POLR2F: variants seen among roughly 807,000 people sequenced by gnomAD.
The protein encoded by POLR2F is DNA-directed RNA polymerases I, II, and III subunit RPABC2.
In POLR2F, 12 loss-of-function variants were observed where a neutral mutation model predicts 22.7. That is an observed-to-expected ratio of 0.53 (90% CI 0.34 to 0.86). POLR2F has a LOEUF of 0.86. POLR2F is among the 40% of genes least tolerant of loss of function. The pLI, the probability that POLR2F is intolerant of heterozygous loss-of-function variation, is 0.02. For synonymous variants in POLR2F, 57 were observed against 66.0 expected, an observed-to-expected ratio of 0.86 and a Z score of 0.66; for missense variants, 126 against 171.5, an observed-to-expected ratio of 0.73 and a Z score of 1.48.
chr22:37,983,255 C>G, upstream of POLR2F: 1 of 1,352,736 alleles, frequency 7.4e-7, no homozygotes, highest in Non-Finnish European at 1.0e-6. This position sits in a 1 kb window ranked among gnomAD's most constrained non-coding sequence, Gnocchi z 9.5. Context: ...GGAGGACTGC[C>G]AGACAGTCCC....
intron 1 of POLR2F, chr22:38,025,834 T>A (rs866848661): frequency 1.5e-6 from 2 of 1,302,192 alleles, no homozygotes; most frequent in Middle Eastern, 1.9e-4. Flanking sequence ...TTCCTATGTA[T>A]GAAACTCACT....
intron 4 of POLR2F, 147 bp from the exon 5 acceptor site, chr22:37,967,478 A>G: frequency 6.9e-7 from 1 of 1,448,256 alleles, no homozygotes; most frequent in Non-Finnish European, 9.1e-7. Context: ...TTTTCTTGTA[A>G]TTGCTTTCTT....
chr22:38,025,388 A>T (rs908357118), intron 1 of POLR2F, among the ~76,000 whole-genome samples: 1 of 152,096 alleles, frequency 6.6e-6, no homozygotes, highest in Admixed American at 6.6e-5. Flanking sequence ...ATACACAATC[A>T]CAATACACAT....
chr22:37,953,902 A>G (rs1601858600), intron 1 of POLR2F, 95 bp downstream of exon 1: 1 of 1,410,546 alleles, frequency 7.1e-7, no homozygotes, highest in Non-Finnish European at 9.7e-7. Context: ...TCTAGGGGCA[A>G]TGTCTGAGGG....
At position 38,017,800 on chromosome 22, in the gene POLR2F, T is replaced by C. The variant is rs2084927793; in HGVS notation, c.121-8069T>C. Among the ~76,000 whole-genome samples the C allele has an allele frequency of 6.6e-6, 1 of 152,188 alleles. No individual in the cohort carries two copies. On this transcript the variant is annotated intron_variant, in intron 1 of 2. Coordinates refer to the POLR2F transcript ENST00000333418. The surrounding 1 kb of genome is among the most constrained non-coding windows in gnomAD (Gnocchi z 4.1). ...TCTGTCCTTGCCCAGCCCAGGCGTT[T>C]GGGAAGTTCTTTCTGAACTCTGTCT...
intron 1 of POLR2F, among the ~76,000 whole-genome samples, chr22:38,007,960 C>A (rs2084837406): frequency 6.6e-6 from 1 of 152,214 alleles, no homozygotes; most frequent in African/African-American, 2.4e-5. Context: ...AATAAACTCG[C>A]TGGGTGTGGT....
At chr22:38,041,174 G>A (rs1273363083), downstream of POLR2F, 31 of 1,609,016 alleles carry the variant, frequency 1.9e-5, no homozygotes, top group East Asian at 5.4e-4. Flanking sequence ...AGTGCTGGTG[G>A]TGGGGACTGG....
intron 1 of POLR2F, among the ~76,000 whole-genome samples, chr22:38,018,599 A>G (rs1416012759): frequency 6.6e-6 from 1 of 151,060 alleles, no homozygotes; most frequent in Admixed American, 6.6e-5. Context: ...TGGGGTCAGG[A>G]CTCCGTCTGA....
intron 5 of POLR2F, among the ~76,000 whole-genome samples, chr22:38,039,669 C>T (rs1296517114): frequency 6.6e-6 from 1 of 152,212 alleles, no homozygotes; most frequent in Non-Finnish European, 1.5e-5. Context: ...TCCACAGAGG[C>T]GCAAAGGAAG....
Position 37,975,661 on chromosome 22 carries a change from A to C in POLR2F, c.293+8491A>C, listed in dbSNP as rs1415121239. Among the ~76,000 whole-genome samples, 4 of 152,216 alleles carry C rather than the reference A, an allele frequency of 2.6e-5. No homozygotes were observed. The East Asian group carries it at 7.7e-4, about 29-fold the overall frequency. ...GCAGCGCCAAGTCCTGCATTGGCCA[A>C]GGGCTCTGTACTTCAAGAGACCTGC... On this transcript the variant is annotated intron_variant, in intron 4 of 4. Coordinates refer to the POLR2F transcript ENST00000405557.
At chr22:38,026,938 G>T (rs1023686891), downstream of POLR2F, among the ~76,000 whole-genome samples, 3 of 152,140 alleles carry the variant, frequency 2.0e-5, no homozygotes, top group Admixed American at 6.5e-5. Flanking sequence ...CCTCCCAGCT[G>T]CCCCAGGCAA....
At chr22:37,957,649 C>T (rs1288922815) in intron 2 of POLR2F, among the ~76,000 whole-genome samples, 2 of 152,162 alleles carry the variant, frequency 1.3e-5, no homozygotes, top group Non-Finnish European at 2.9e-5. Context: ...CTTCTCCATC[C>T]TTCTGGTCCC....
chr22:38,037,351 GC>G (rs1005976215), intron 5 of POLR2F, among the ~76,000 whole-genome samples: 125 of 152,182 alleles, frequency 8.2e-4, no homozygotes, highest in African/African-American at 3.0e-3. Context: ...TTGGCTCACT[GC>G]AGCCTTGAAC....
intron 3 of POLR2F, among the ~76,000 whole-genome samples, chr22:37,963,637 T>C (rs1408871479): frequency 6.6e-6 from 1 of 152,192 alleles, no homozygotes; most frequent in East Asian, 1.9e-4. Flanking sequence ...ATTTCTGTCA[T>C]TGCAGAGCAT....
At chr22:38,027,199 C>G (rs1192401462), downstream of POLR2F, among the ~76,000 whole-genome samples, 1 of 152,188 alleles carries the variant, frequency 6.6e-6, no homozygotes, top group Non-Finnish European at 1.5e-5. Context: ...TTCATTCATT[C>G]ATCAACTAGT....
At chr22:37,959,311 C>A in intron 2 of POLR2F, 35 bp from the exon 3 acceptor site, 1 of 1,609,604 alleles carries the variant, frequency 6.2e-7, no homozygotes, top group Non-Finnish European at 8.5e-7. Context: ...AAAGTGCCAC[C>A]TGAGTCTTTC....
chr22:38,027,698 G>A (rs1008230704), downstream of POLR2F, among the ~76,000 whole-genome samples: 8 of 152,056 alleles, frequency 5.3e-5, no homozygotes, highest in African/African-American at 1.7e-4. Context: ...ACATTCCCCC[G>A]CCTCCGCCAC....
At chr22:37,983,793 C>G, upstream of POLR2F, 3 of 1,427,860 alleles carry the variant, frequency 2.1e-6, no homozygotes, top group Admixed American at 5.0e-5. The surrounding 1 kb of genome is among the most constrained non-coding windows in gnomAD (Gnocchi z 9.5). Context: ...ATGTCGCCCC[C>G]GGCCGCCGCC....
upstream of POLR2F, among the ~76,000 whole-genome samples, chr22:37,985,432 C>T (rs1258837453): frequency 2.0e-5 from 3 of 152,084 alleles, no homozygotes; most frequent in Non-Finnish European, 4.4e-5. Flanking sequence ...CCCACCTCTC[C>T]CTCCCTCCCC....
Sources: allele counts gnomAD v4.1 joint callset (sites outside exome capture counted in the v4.1 genomes callset), GRCh38; gene constraint gnomAD v4.1.1; non-coding constraint Gnocchi (gnomAD v3.1); transcripts MANE v1.5; gene names NCBI Gene and HGNC (gene_info 2026-07-23, HGNC 2026-07-21).